The following FGF14 variants were observed in gnomAD, a reference collection of about 807,000 sequenced individuals.
FGF14 encodes fibroblast growth factor homologous factor 4.
A neutral mutation model predicts 25.5 loss-of-function variants in FGF14; 5 were observed. The ratio of observed to expected loss-of-function variants is 0.20; its 90% CI spans 0.10 to 0.41. The LOEUF (loss-of-function observed/expected upper bound fraction) is 0.41, where lower values mean the gene tolerates loss of function less well. Ranked by LOEUF, FGF14 falls within the 10% of genes least tolerant of loss-of-function variation. The pLI is 1.00. For synonymous variants in FGF14, 138 were observed against 118.3 expected (o/e 1.17, Z -1.08); for missense variants, 222 against 320.1 (o/e 0.69, Z 2.34).
chr13:102,225,100 T>TCTCCTCCTCCACGAGAG (rs1353158863), intron 1 of FGF14, among the ~76,000 whole-genome samples: 1 of 151,890 alleles, frequency 6.6e-6, no homozygotes, highest in African/African-American at 2.4e-5. Flanking sequence ...TTTAGAAAGC[T>TCTCCTCCTCCACGAGAG]CTCCTCCTCC....
At chr13:102,152,019 G>A (rs2047109923) in intron 1 of FGF14, among the ~76,000 whole-genome samples, 1 of 152,070 alleles carries the variant, frequency 6.6e-6, no homozygotes, top group Non-Finnish European at 1.5e-5. Flanking sequence ...AGGCTCACAG[G>A]GTGTTCAAGC....
chr13:101,824,658 T>C (rs1009529107), intron 3 of FGF14, among the ~76,000 whole-genome samples: 44 of 152,310 alleles, frequency 2.9e-4, no homozygotes, highest in Middle Eastern at 3.4e-3. Flanking sequence ...TGTCTTTTTA[T>C]GTGCATTTGA....
intron 1 of FGF14, among the ~76,000 whole-genome samples, chr13:101,981,273 C>G: frequency 6.6e-6 from 1 of 151,994 alleles, no homozygotes; most frequent in East Asian, 1.9e-4. Context: ...GAGTGAGATT[C>G]TGTCTCAAAA....
At chr13:102,333,592 C>T (rs981096200) in intron 1 of FGF14, among the ~76,000 whole-genome samples, 1 of 152,112 alleles carries the variant, frequency 6.6e-6, no homozygotes, top group African/African-American at 2.4e-5. Context: ...AGATATTCAG[C>T]ATGGTTCTTG....
At chr13:102,192,134 C>T (rs1452971266) in intron 1 of FGF14, among the ~76,000 whole-genome samples, 1 of 152,200 alleles carries the variant, frequency 6.6e-6, no homozygotes, top group Non-Finnish European at 1.5e-5. Context: ...GCAATGGTCC[C>T]ACCCTTTGCC....
intron 1 of FGF14, chr13:102,366,618 CAAAAAAAAAAAA>C (rs57953786): frequency 3.6e-4 from 17 of 46,786 alleles, no homozygotes; most frequent in African/African-American, 8.5e-4. Context: ...ATTCTCCTTG[CAAAAAAAAAAAA>C]AAAAAAAAAA....
chr13:101,814,082 C>T (rs1268965724), intron 3 of FGF14, among the ~76,000 whole-genome samples: 3 of 152,188 alleles, frequency 2.0e-5, no homozygotes, highest in Admixed American at 6.5e-5. Context: ...GTTATTCTTA[C>T]AGGCTCAGCA....
chr13:102,096,440 AC>A (rs1296518198), intron 1 of FGF14, among the ~76,000 whole-genome samples: 3 of 150,700 alleles, frequency 2.0e-5, no homozygotes, highest in Admixed American at 6.6e-5. Context: ...TAAAAAAAAA[AC>A]ACACCACTAA....
At chr13:102,303,393 A>G (rs2055182422) in intron 1 of FGF14, among the ~76,000 whole-genome samples, 1 of 152,218 alleles carries the variant, frequency 6.6e-6, no homozygotes, top group African/African-American at 2.4e-5. Flanking sequence ...TAAACACACC[A>G]TGAGGATGGG....
chr13:101,723,400 T>C (rs1013598435), intron 4 of FGF14, among the ~76,000 whole-genome samples: 1 of 152,086 alleles, frequency 6.6e-6, no homozygotes, highest in East Asian at 1.9e-4. Context: ...TCAATCAATC[T>C]TTGTGAGCTG....
chr13:102,120,411 G>T (rs2045665532), intron 1 of FGF14, among the ~76,000 whole-genome samples: 1 of 152,178 alleles, frequency 6.6e-6, no homozygotes, highest in Non-Finnish European at 1.5e-5. Flanking sequence ...TGTTAAATGA[G>T]GAGAGCTATC....
intron 1 of FGF14, among the ~76,000 whole-genome samples, chr13:102,308,079 C>T (rs924979613): frequency 6.6e-5 from 10 of 152,144 alleles, no homozygotes; most frequent in African/African-American, 2.4e-4. Flanking sequence ...GAAGGCTGGG[C>T]TGGCATCAAC....
chr13:101,927,712 C>T (rs925827516), intron 1 of FGF14, among the ~76,000 whole-genome samples: 1 of 152,082 alleles, frequency 6.6e-6, no homozygotes, highest in African/African-American at 2.4e-5. Flanking sequence ...GGTGAGTCAA[C>T]GATGTGCACA....
At chr13:102,133,401 A>G (rs111906284) in intron 1 of FGF14, among the ~76,000 whole-genome samples, 51 of 152,342 alleles carry the variant, frequency 3.3e-4, no homozygotes, top group Middle Eastern at 3.4e-3. Context: ...AATGAACAAT[A>G]ATTTGGATTG....
chr13:101,898,341 A>AACACACACACACACAC lies in FGF14; in HGVS notation c.193+18096_193+18111dup, dbSNP rs55676818. ...ACCTGTATAAAGGCATGAAACATAC[A>AACACACACACACACAC]ACACACACACACACACACACACACA... On this transcript the variant is annotated intron_variant, in intron 1 of 4. Transcript: ENST00000376143. Among the ~76,000 whole-genome samples, 882 of 144,426 alleles carry AACACACACACACACAC rather than the reference A, an allele frequency of 6.1e-3. 10 individuals carry two copies. The highest frequency in any genetic ancestry group is 0.021 in the African/African-American group (813 of 38,502). 94.7% of individuals were successfully genotyped at this position (144,426 alleles called of 152,430 possible). A position where few individuals can be genotyped will look rare whatever the true frequency, so the allele number is the denominator to read the frequency against.
chr13:101,735,491 A>C (rs1471685683), intron 3 of FGF14, among the ~76,000 whole-genome samples: 1 of 152,162 alleles, frequency 6.6e-6, no homozygotes, highest in African/African-American at 2.4e-5. Flanking sequence ...AAGAAAAAGA[A>C]GCATATTTTA....
chr13:102,106,696 A>C (rs1248325635), intron 1 of FGF14, among the ~76,000 whole-genome samples: 1 of 152,178 alleles, frequency 6.6e-6, no homozygotes, highest in Non-Finnish European at 1.5e-5. Context: ...CATGATCACA[A>C]GGTAGACATT....
intron 1 of FGF14, among the ~76,000 whole-genome samples, chr13:102,350,360 T>C (rs1006506138): frequency 2.7e-5 from 4 of 146,438 alleles, no homozygotes; most frequent in Non-Finnish European, 6.0e-5. Context: ...GGTGACAGAG[T>C]GAAACCCTCT....
intron 1 of FGF14, among the ~76,000 whole-genome samples, chr13:102,335,982 T>A (rs986218996): frequency 6.6e-6 from 1 of 152,144 alleles, no homozygotes; most frequent in Admixed American, 6.6e-5. Context: ...CAATTGGCTG[T>A]TCCCCCATCT....
Sources: allele counts gnomAD v4.1 joint callset (sites outside exome capture counted in the v4.1 genomes callset), GRCh38; gene constraint gnomAD v4.1.1; transcripts MANE v1.5; gene names NCBI Gene and HGNC (gene_info 2026-07-23, HGNC 2026-07-21).